KATNAL2: variants seen among roughly 807,000 people sequenced by gnomAD.
The protein encoded by KATNAL2 is katanin catalytic subunit A1 like 2.
A neutral mutation model predicts 76.3 loss-of-function variants in KATNAL2; 52 were observed. The observed-to-expected ratio is 0.68, with a 90% CI of 0.55 to 0.86. The LOEUF is 0.86. Ranked by LOEUF, KATNAL2 falls within the 40% of genes least tolerant of loss-of-function variation. The pLI is 0.00. For missense variants in KATNAL2, 660 were observed against 668.9 expected (o/e 0.99, Z 0.15); for synonymous variants, 243 against 244.2 (o/e 1.00, Z 0.05).
At chr18:46,922,425 A>G (rs2058595760) in intron 1 of KATNAL2, among the ~76,000 whole-genome samples, 1 of 151,704 alleles carries the variant, frequency 6.6e-6, no homozygotes, top group South Asian at 2.1e-4. Context: ...AACCTTAATC[A>G]CAAATTTGTT....
chr18:47,066,834 T>C (rs1327305234), intron 10 of KATNAL2, among the ~76,000 whole-genome samples, 187 bp from the exon 11 acceptor site: 7 of 58,924 alleles, frequency 1.2e-4, no homozygotes, highest in Non-Finnish European at 2.3e-4. Flanking sequence ...AAAATTACAA[T>C]GTATATATGT....
rs531621238 is a variant in KATNAL2 at position 47,062,225 on chromosome 18, A to T, written c.550-747A>T. On this transcript the variant is annotated intron_variant, in intron 8 of 17. Coordinates refer to ENST00000683218, the MANE Select transcript of KATNAL2 (RefSeq NM_001387690.1). ...AAGAGACCCCACTTCTGCAAAAAAA[A>T]TTTTTTTAATTAGCCAAAAGTAGTG... Among the ~76,000 whole-genome samples the T allele has an allele frequency of 3.9e-5, 6 of 152,144 alleles. No individual in the cohort carries two copies. In the South Asian group the frequency reaches 6.3e-4, roughly 16 times the overall value.
intron 14 of KATNAL2, among the ~76,000 whole-genome samples, chr18:47,075,880 C>A (rs950010282): frequency 8.5e-5 from 13 of 152,358 alleles, no homozygotes; most frequent in African/African-American, 3.1e-4. Context: ...AAATATGTTA[C>A]ATATATTATC....
intron 15 of KATNAL2, chr18:47,098,235 G>C (rs1299248191): frequency 2.6e-6 from 1 of 384,810 alleles, no homozygotes; most frequent in Admixed American, 3.2e-5. Flanking sequence ...AAAAAAAAAA[G>C]TGTACTAGTC....
chr18:46,931,139 T>TAATAAA (rs1555824545), intron 1 of KATNAL2, among the ~76,000 whole-genome samples: 5,907 of 122,724 alleles, frequency 0.048, 164 homozygotes, highest in Non-Finnish European at 0.054. Flanking sequence ...ATAATAATAA[T>TAATAAA]AAATAAATAA....
At chr18:47,058,387 C>T in intron 7 of KATNAL2, 35 bp downstream of exon 7, 1 of 1,220,318 alleles carries the variant, frequency 8.2e-7, no homozygotes, top group Admixed American at 1.9e-5. Flanking sequence ...GTGAACAGCA[C>T]ACTTGGCTGA....
At chr18:46,932,695 A>AAAAAG in intron 1 of KATNAL2, among the ~76,000 whole-genome samples, 2 of 150,780 alleles carry the variant, frequency 1.3e-5, no homozygotes, top group African/African-American at 4.9e-5. Context: ...AAAAAAAAAA[A>AAAAAG]AAGCATTCTT....
chr18:46,950,904 G>A (rs1172042137), intron 3 of KATNAL2, among the ~76,000 whole-genome samples: 4 of 152,034 alleles, frequency 2.6e-5, no homozygotes, highest in South Asian at 2.1e-4. Flanking sequence ...GGCTGGTCTC[G>A]AACTCCCAAC....
At position 47,034,560 on chromosome 18, in the gene KATNAL2, G is replaced by A. The variant is rs773167844; in HGVS notation, c.52-11897G>A. 10 of 1,614,240 alleles carry A rather than the reference G, an allele frequency of 6.2e-6. No individual in the cohort carries two copies. The South Asian group carries it at 7.7e-5, about 12-fold the overall frequency. On this transcript the variant is annotated intron_variant, in intron 3 of 17. Coordinates refer to ENST00000683218, the MANE Select transcript of KATNAL2 (RefSeq NM_001387690.1). ...GCCAATCTCCCTGGGCACACAAGGG[G>A]CGTTTTTCCTGGCGAGACGATTTGT... is the stretch of plus-strand genomic sequence containing the variant.
At chr18:47,060,858 G>A (rs1300334894) in intron 8 of KATNAL2, among the ~76,000 whole-genome samples, 1 of 152,172 alleles carries the variant, frequency 6.6e-6, no homozygotes, top group Non-Finnish European at 1.5e-5. Flanking sequence ...ATGTCTCCTT[G>A]TTCACCTTCA....
chr18:47,045,381 A>T (rs2061125439), intron 3 of KATNAL2, among the ~76,000 whole-genome samples: 2 of 146,666 alleles, frequency 1.4e-5, no homozygotes, highest in African/African-American at 5.1e-5. Context: ...CTTGGAGTGC[A>T]GTGGCAAGAT....
chr18:46,965,595 G>A (rs113214992), intron 3 of KATNAL2, among the ~76,000 whole-genome samples: 18 of 34,524 alleles, frequency 5.2e-4, no homozygotes, highest in African/African-American at 1.4e-3. Context: ...CCCCCCCCCC[G>A]CCCCCAACGG....
intron 15 of KATNAL2, among the ~76,000 whole-genome samples, chr18:47,093,940 C>G (rs1389597643): frequency 1.3e-5 from 2 of 152,136 alleles, no homozygotes; most frequent in Non-Finnish European, 2.9e-5. Flanking sequence ...TTTCTCTATT[C>G]TTTTTAAATG....
chr18:47,094,783 T>C (rs750015786), intron 15 of KATNAL2, among the ~76,000 whole-genome samples: 52 of 152,336 alleles, frequency 3.4e-4, no homozygotes, highest in Non-Finnish European at 3.8e-4. Flanking sequence ...ATCTCATTGC[T>C]TCAGTACAGT....
At chr18:47,031,486 C>T (rs1260533476) in intron 3 of KATNAL2, among the ~76,000 whole-genome samples, 4 of 151,978 alleles carry the variant, frequency 2.6e-5, no homozygotes, top group Middle Eastern at 3.4e-3. Flanking sequence ...ATCATTATGC[C>T]CTGAGAATCG....
At chr18:47,074,989 G>A (rs1381170402) in intron 13 of KATNAL2, among the ~76,000 whole-genome samples, 1 of 152,120 alleles carries the variant, frequency 6.6e-6, no homozygotes, top group African/African-American at 2.4e-5. Flanking sequence ...CTGCAAGCTT[G>A]GGAACCTAAA....
At chr18:47,098,176 GA>G in intron 15 of KATNAL2, 1 of 334,606 alleles carries the variant, frequency 3.0e-6, no homozygotes, top group Non-Finnish European at 5.8e-6. Flanking sequence ...ATATTAGCTT[GA>G]AAGCCATTGC....
Position 47,034,556 on chromosome 18 carries a change from A to AG in KATNAL2, c.52-11897dup, listed in dbSNP as rs559980240. The AG allele has an allele frequency of 1.7e-4, 274 of 1,614,190 alleles. 2 individuals are homozygous for AG. In the South Asian group the frequency reaches 2.8e-3, roughly 16 times the overall value. ...GAGTGCCAATCTCCCTGGGCACACA[A>AG]GGGGCGTTTTTCCTGGCGAGACGAT... On this transcript the variant is annotated intron_variant, in intron 3 of 17. Transcript: ENST00000683218.
chr18:47,064,516 G>A (rs778273634), intron 10 of KATNAL2, among the ~76,000 whole-genome samples: 3 of 152,036 alleles, frequency 2.0e-5, no homozygotes, highest in Non-Finnish European at 4.4e-5. Flanking sequence ...TCGGAGGATG[G>A]GATCATCCCA....
Sources: allele counts gnomAD v4.1 joint callset (sites outside exome capture counted in the v4.1 genomes callset), GRCh38; gene constraint gnomAD v4.1.1; transcripts MANE v1.5; gene names NCBI Gene and HGNC (gene_info 2026-07-23, HGNC 2026-07-21).